SAMSN1: variants seen among roughly 807,000 people sequenced by gnomAD.
SAMSN1 encodes the protein SAM domain, SH3 domain and nuclear localization signals 1, also known as SAM domain-containing protein SAMSN-1.
Under a neutral mutation model 42.0 loss-of-function variants are expected in SAMSN1, and 31 were observed. That is an observed-to-expected ratio of 0.74 (90% CI 0.55 to 1.00). The LOEUF (loss-of-function observed/expected upper bound fraction) is 1.00, where lower values mean the gene tolerates loss of function less well. Among genes scored for constraint, SAMSN1 ranks in the 50% least tolerant of loss-of-function variants. SAMSN1 has a pLI of 0.00. For synonymous variants in SAMSN1, 178 were observed against 151.9 expected, an observed-to-expected ratio of 1.17 and a Z score of -1.26; for missense variants, 464 against 439.4, an observed-to-expected ratio of 1.06 and a Z score of -0.50.
intron 2 of SAMSN1, among the ~76,000 whole-genome samples, chr21:14,622,109 C>A (rs1364719745): frequency 6.6e-6 from 1 of 152,154 alleles, no homozygotes; most frequent in African/African-American, 2.4e-5. Context: ...ACATCCACAC[C>A]AAAACCCCAT....
intron 2 of SAMSN1, among the ~76,000 whole-genome samples, chr21:14,519,503 C>T (rs914119683): frequency 8.6e-5 from 13 of 151,186 alleles, no homozygotes; most frequent in Middle Eastern, 3.4e-3. Context: ...CATATATATA[C>T]ACACACACAC....
At chr21:14,624,743 C>T (rs904019229) in intron 2 of SAMSN1, among the ~76,000 whole-genome samples, 4 of 152,050 alleles carry the variant, frequency 2.6e-5, no homozygotes, top group Non-Finnish European at 5.9e-5. Context: ...TTCCAATCAA[C>T]AGAAAAAGAG....
At chr21:14,534,763 G>A (rs1224907067) in intron 1 of SAMSN1, among the ~76,000 whole-genome samples, 1 of 152,138 alleles carries the variant, frequency 6.6e-6, no homozygotes, top group Admixed American at 6.5e-5. Context: ...TATGTGACAT[G>A]CTTTAAGACT....
At chr21:14,578,823 A>G (rs1046772214) in intron 2 of SAMSN1, among the ~76,000 whole-genome samples, 4 of 152,122 alleles carry the variant, frequency 2.6e-5, no homozygotes, top group Admixed American at 2.6e-4. Flanking sequence ...TCATATCTGC[A>G]TATCTTGGCA....
intron 6 of SAMSN1, among the ~76,000 whole-genome samples, chr21:14,600,292 T>A (rs1982395592): frequency 6.6e-6 from 1 of 152,108 alleles, no homozygotes; most frequent in Non-Finnish European, 1.5e-5. Context: ...TCACAAGGAG[T>A]TAATAAATTA....
intron 4 of SAMSN1, among the ~76,000 whole-genome samples, chr21:14,512,235 T>C (rs575977009): frequency 6.6e-6 from 1 of 152,354 alleles, no homozygotes; most frequent in South Asian, 2.1e-4. Context: ...ACTACAGTGT[T>C]AAAAGTTTTC....
intron 2 of SAMSN1, among the ~76,000 whole-genome samples, chr21:14,555,679 G>A (rs913276192): frequency 5.3e-5 from 8 of 152,106 alleles, no homozygotes; most frequent in African/African-American, 1.7e-4. Context: ...AGTATTCTGT[G>A]GAAGAGTTTG....
At chr21:14,628,277 A>G (rs908244759) in intron 2 of SAMSN1, among the ~76,000 whole-genome samples, 23 of 152,096 alleles carry the variant, frequency 1.5e-4, no homozygotes, top group African/African-American at 5.6e-4. Flanking sequence ...TAAAATAAGG[A>G]TGTTGAGTGT....
At chr21:14,557,940 C>T (rs1351325694) in intron 2 of SAMSN1, among the ~76,000 whole-genome samples, 1 of 152,118 alleles carries the variant, frequency 6.6e-6, no homozygotes, top group Non-Finnish European at 1.5e-5. Context: ...GCCACCTGTC[C>T]GTGGAGGTCC....
intron 7 of SAMSN1, among the ~76,000 whole-genome samples, chr21:14,488,949 G>A (rs917891798): frequency 1.1e-4 from 17 of 152,224 alleles, no homozygotes; most frequent in African/African-American, 2.9e-4. Flanking sequence ...AAGCTATATC[G>A]CATTCACTTT....
intron 1 of SAMSN1, among the ~76,000 whole-genome samples, chr21:14,543,364 C>A (rs1393147885): frequency 6.6e-6 from 1 of 152,128 alleles, no homozygotes; most frequent in Non-Finnish European, 1.5e-5. Flanking sequence ...AATGATAACA[C>A]TACACATGGT....
At chr21:14,628,437 A>G (rs1263598167) in intron 2 of SAMSN1, among the ~76,000 whole-genome samples, 7 of 152,100 alleles carry the variant, frequency 4.6e-5, no homozygotes. Context: ...ATAAAATAAA[A>G]CAATTTTAAA....
At chr21:14,573,553 C>A (rs1600938039) in intron 2 of SAMSN1, among the ~76,000 whole-genome samples, 1 of 152,066 alleles carries the variant, frequency 6.6e-6, no homozygotes, top group African/African-American at 2.4e-5. Flanking sequence ...AAAAACAAAA[C>A]CCTAAACCTA....
rs141843188 is a variant in SAMSN1, at chr21:14,562,826, T to A, written c.261+19310A>T. Among the ~76,000 whole-genome samples the A allele has an allele frequency of 2.7e-4, 41 of 152,256 alleles. 1 individual carries two copies. The highest frequency in any genetic ancestry group is 9.4e-4 in the African/African-American group (39 of 41,586). ...AATACTAAGGATACTGTAATACAGC[T>A]GTAATTTTCTGTTACGTATATTTCT... On this transcript the variant is annotated intron_variant, in intron 2 of 8. Coordinates refer to the SAMSN1 transcript ENST00000285670.
At position 14,541,673 on chromosome 21, in the gene SAMSN1, T is replaced by C. The variant is rs377406250; in HGVS notation, c.57+4532A>G. Among the ~76,000 whole-genome samples, 32 of 152,334 alleles carry C rather than the reference T, an allele frequency of 2.1e-4. 1 individual carries two copies. The highest frequency in any genetic ancestry group is 1.7e-3 in the South Asian group (8 of 4,830). On this transcript the variant is annotated intron_variant, in intron 1 of 7. Transcript: ENST00000400566. ...TAGACTGAAGAAACTTCATTCACTT[T>C]ACAAATATTTATTGAGAGTCTACTA... is the stretch of plus-strand genomic sequence containing the variant.
chr21:14,590,043 G>A (rs947054503), intron 7 of SAMSN1, among the ~76,000 whole-genome samples: 1 of 152,000 alleles, frequency 6.6e-6, no homozygotes, highest in Non-Finnish European at 1.5e-5. Context: ...TAAGTTTTCC[G>A]GTCTTATGAC....
intron 7 of SAMSN1, chr21:14,593,861 C>T (rs1982166995): frequency 1.2e-5 from 6 of 495,842 alleles, no homozygotes; most frequent in Admixed American, 3.4e-5. Flanking sequence ...TAAGGACAAG[C>T]CTCTATTTAT....
chr21:14,649,431 G>GA, intron 1 of SAMSN1, among the ~76,000 whole-genome samples: 1 of 151,754 alleles, frequency 6.6e-6, no homozygotes, highest in Non-Finnish European at 1.5e-5. Context: ...AACAATAAAA[G>GA]AAAAAATTTT....
chr21:14,539,154 A>C (rs376016066), intron 1 of SAMSN1, among the ~76,000 whole-genome samples: 1 of 152,196 alleles, frequency 6.6e-6, no homozygotes, highest in Non-Finnish European at 1.5e-5. Context: ...CTTAACATAA[A>C]GCTTAAAATG....
Sources: allele counts gnomAD v4.1 joint callset (sites outside exome capture counted in the v4.1 genomes callset), GRCh38; gene constraint gnomAD v4.1.1; transcripts MANE v1.5; gene names NCBI Gene and HGNC (gene_info 2026-07-23, HGNC 2026-07-21).